The following DCAF8L2 variants were observed in gnomAD, a reference collection of about 807,000 sequenced individuals.
The protein encoded by DCAF8L2 is DDB1- and CUL4-associated factor 8-like protein 2.
For missense variants in DCAF8L2, 430 were observed against 490.7 expected (o/e 0.88, Z 1.17); for synonymous variants, 200 against 190.9 (o/e 1.05, Z -0.39).
intron 1 of DCAF8L2, among the ~76,000 whole-genome samples, chrX:27,590,992 T>TTTATATATATATATATATATAC (rs1926051053): frequency 1.2e-4 from 1 of 8,093 alleles, no homozygotes; most frequent in Admixed American, 1.2e-3. Flanking sequence ...CTTTACATTT[T>TTTATATATATATATATATATAC]ATATATATAT....
At chrX:27,604,925 A>T (rs1410760100) in intron 1 of DCAF8L2, among the ~76,000 whole-genome samples, 1 of 112,231 alleles carries the variant, frequency 8.9e-6, no homozygotes, top group African/African-American at 3.2e-5. Context: ...TTTTCTTAGC[A>T]ACTAAATGAG....
At chrX:27,700,027 A>AAAAAG (rs944280094) in intron 3 of DCAF8L2, among the ~76,000 whole-genome samples, 6 of 110,768 alleles carry the variant, frequency 5.4e-5, no homozygotes, top group Non-Finnish European at 7.6e-5. Context: ...AGACTGTCCA[A>AAAAAG]AAAAGAAAAG....
upstream of DCAF8L2, among the ~76,000 whole-genome samples, chrX:27,588,933 TCACA>T (rs1234323092): frequency 9.0e-6 from 1 of 110,845 alleles, no homozygotes; most frequent in Non-Finnish European, 1.9e-5. Flanking sequence ...ATAAAACACA[TCACA>T]CATTTTATCT....
chrX:27,686,201 T>C (rs1930499248), intron 3 of DCAF8L2, among the ~76,000 whole-genome samples: 1 of 110,990 alleles, frequency 9.0e-6, no homozygotes, highest in Non-Finnish European at 1.9e-5. Context: ...TTAAAATAGA[T>C]GTATCATATG....
At chrX:27,642,372 T>G (rs1928770031) in intron 2 of DCAF8L2, among the ~76,000 whole-genome samples, 1 of 111,514 alleles carries the variant, frequency 9.0e-6, no homozygotes. Context: ...TGTATTATAG[T>G]GTATTTCTAA....
chrX:27,745,915 C>A (rs1922137670), intron 4 of DCAF8L2, among the ~76,000 whole-genome samples: 1 of 111,762 alleles, frequency 8.9e-6, no homozygotes, highest in South Asian at 3.7e-4. Context: ...CACATAATTT[C>A]CTTTTTTCAC....
chrX:27,605,132 G>A (rs956419576), intron 1 of DCAF8L2, among the ~76,000 whole-genome samples: 6 of 111,170 alleles, frequency 5.4e-5, no homozygotes, highest in Non-Finnish European at 3.8e-5. Context: ...TTGGGAAGCT[G>A]TCATCTGGAA....
chrX:27,541,604 G>A, the DCAF8L2 span, among the ~76,000 whole-genome samples: 1 of 110,162 alleles, frequency 9.1e-6, no homozygotes, highest in South Asian at 3.9e-4. Flanking sequence ...CCGACCTCAG[G>A]TGATCCACCT....
At chrX:27,738,175 T>A (rs1026645494) in intron 4 of DCAF8L2, among the ~76,000 whole-genome samples, 11 of 110,795 alleles carry the variant, frequency 9.9e-5, no homozygotes, top group Non-Finnish European at 2.1e-4. Context: ...AAAAACATCT[T>A]CCCCAGAATA....
At chrX:27,634,917 T>G (rs1483421556) in intron 2 of DCAF8L2, among the ~76,000 whole-genome samples, 1 of 108,262 alleles carries the variant, frequency 9.2e-6, no homozygotes, top group Non-Finnish European at 1.9e-5. Context: ...ACACTTCTGG[T>G]CTCAAGCATT....
At chrX:27,673,712 T>TAC (rs1409030432) in intron 2 of DCAF8L2, among the ~76,000 whole-genome samples, 1 of 108,503 alleles carries the variant, frequency 9.2e-6, no homozygotes, top group African/African-American at 3.4e-5. Flanking sequence ...TATATATATA[T>TAC]ATACACACAC....
At chrX:27,686,003 C>T (rs902576798) in intron 3 of DCAF8L2, among the ~76,000 whole-genome samples, 4 of 111,378 alleles carry the variant, frequency 3.6e-5, no homozygotes, top group African/African-American at 1.3e-4. Context: ...TAGTAATCAT[C>T]GGGGAAATGC....
At chrX:27,641,057 C>G (rs939767837) in intron 2 of DCAF8L2, among the ~76,000 whole-genome samples, 2 of 111,823 alleles carry the variant, frequency 1.8e-5, no homozygotes, top group African/African-American at 3.2e-5. Context: ...ATTTCCATAG[C>G]TGTTATAGAT....
intron 2 of DCAF8L2, among the ~76,000 whole-genome samples, chrX:27,659,044 C>A (rs1004850593): frequency 9.9e-5 from 11 of 111,539 alleles, no homozygotes; most frequent in Non-Finnish European, 1.7e-4. Flanking sequence ...TTGAATACCC[C>A]CAGTGGGAGT....
chrX:27,487,955 A>G, the DCAF8L2 span, among the ~76,000 whole-genome samples: 1 of 112,211 alleles, frequency 8.9e-6, no homozygotes, highest in Non-Finnish European at 1.9e-5. Context: ...CTTGGCTATT[A>G]TGAATAAAGC....
intron 4 of DCAF8L2, among the ~76,000 whole-genome samples, chrX:27,718,015 C>G (rs1163413164): frequency 8.9e-6 from 1 of 111,887 alleles, no homozygotes; most frequent in Non-Finnish European, 1.9e-5. Context: ...TTATAATTAA[C>G]ATCATTTTTC....
intron 4 of DCAF8L2, among the ~76,000 whole-genome samples, chrX:27,745,465 T>TCTCA (rs1922113766): frequency 8.9e-6 from 1 of 112,373 alleles, no homozygotes; most frequent in African/African-American, 3.2e-5. Context: ...GTCTAGTCAT[T>TCTCA]CTCACTTCCA....
Position 27,747,080 on chromosome X carries a change from T to A in DCAF8L2, c.185T>A (p.Phe62Tyr). ...GGCAGTGATAGCAGGGATGGTGGAT[T>A]CCCCAACGATGCCAGCACAGAAAAT... ...GDGSDSRDGG[F>Y]PNDASTENRS... Residue 62 changes from phenylalanine (F) to tyrosine (Y), a missense_variant, in exon 5 of 5, where the codon TTC (phenylalanine) becomes TAC (tyrosine). Coordinates refer to ENST00000451261, the MANE Select transcript of DCAF8L2 (RefSeq NM_001353450.2). 1 of 1,167,909 alleles carries A rather than the reference T, an allele frequency of 8.6e-7. No homozygotes were observed. Among genetic ancestry groups the A allele is most frequent in the Non-Finnish European group, 1.1e-6 (1 of 873,068 alleles).
chrX:27,531,611 GGT>G, the DCAF8L2 span, among the ~76,000 whole-genome samples: 4 of 111,925 alleles, frequency 3.6e-5, no homozygotes, highest in South Asian at 7.5e-4. Flanking sequence ...TTGATTTCCT[GGT>G]GCCAAAAACT....
Sources: gnomAD v4.1 joint callset for allele counts (sites outside exome capture counted in the v4.1 genomes callset) on GRCh38, gnomAD v4.1.1 for gene constraint, MANE v1.5 for transcripts, NCBI Gene and HGNC (gene_info 2026-07-23, HGNC 2026-07-21) for gene names.